The following STOX2 variants were observed in gnomAD, a reference collection of about 807,000 sequenced individuals.
STOX2 encodes storkhead-box protein 2.
A neutral mutation model predicts 60.9 loss-of-function variants in STOX2; 28 were observed. That is an observed-to-expected ratio of 0.46 (90% CI 0.34 to 0.63). The LOEUF (loss-of-function observed/expected upper bound fraction) is 0.63. STOX2 is among the 30% of genes least tolerant of loss of function. The pLI is 0.01. For synonymous variants in STOX2, 472 were observed against 463.9 expected, an observed-to-expected ratio of 1.02 and a Z score of -0.22; for missense variants, 1,024 against 1,187.7, an observed-to-expected ratio of 0.86 and a Z score of 2.03.
In STOX2 at chr4:184,009,426, C is replaced by A; in HGVS notation, c.588C>A (p.Cys196Ter). Residue 196 changes from cysteine to a stop codon, truncating the protein, a stop_gained, in exon 3 of 4, where the codon TGC becomes TGA. Transcript: ENST00000308497. LOFTEE classifies it high-confidence loss of function. The surrounding 1 kb of genome is among the most constrained non-coding windows in gnomAD (Gnocchi z 4.0). Reference protein sequence around the residue: ...VRERTLPRNHCDSCHCCREDV... With the variant: ...VRERTLPRNH The stretch of plus-strand genomic sequence containing the variant: ...AAAGGACATTGCCCCGAAACCACTG[C>A]GACTCTTGCCACTGCTGCAGAGAAG... The A allele has an allele frequency of 6.2e-7, 1 of 1,614,030 alleles. No individual in the cohort carries two copies. The highest frequency in any genetic ancestry group is 8.5e-7 in the Non-Finnish European group (1 of 1,179,898).
chr4:183,867,885 AC>A (rs977594184), intron 1 of STOX2, among the ~76,000 whole-genome samples: 7 of 152,246 alleles, frequency 4.6e-5, no homozygotes, highest in African/African-American at 1.7e-4. Context: ...AGAATAGAGC[AC>A]CGGTATGGCT....
chr4:183,917,255 G>A (rs1364550564), intron 1 of STOX2, among the ~76,000 whole-genome samples: 2 of 152,252 alleles, frequency 1.3e-5, no homozygotes, highest in Admixed American at 1.3e-4. Flanking sequence ...AGCCACCAGG[G>A]TGATTGTGGT....
rs1734040396 is a variant in STOX2, at chr4:184,009,483, A to G, written c.645A>G (p.Gln215=). 5.6e-6 allele frequency: 9 copies of G among 1,613,922 alleles called. No individual in the cohort carries two copies. The Admixed American group carries it at 1.0e-4, about 18-fold the overall frequency. Residue 215 remains glutamine, a synonymous_variant, in exon 3 of 4, where the codon CAA becomes CAG. Transcript: ENST00000308497. The surrounding 1 kb of genome is among the most constrained non-coding windows in gnomAD (Gnocchi z 4.0). The part of the protein sequence containing the change: ...DVHSTHAPTL[Q]RKSAKDCKDP... ...ACAGCACGCATGCACCCACCCTGCA[A>G]AGGAAGTCTGCCAAGGACTGCAAAG...
chr4:183,938,881 C>A (rs1742669877), intron 1 of STOX2, among the ~76,000 whole-genome samples: 1 of 151,890 alleles, frequency 6.6e-6, no homozygotes, highest in Admixed American at 6.6e-5. Flanking sequence ...TTCATCAGCT[C>A]TGATTAAGAA....
At chr4:183,963,609 A>G (rs1743475173) in intron 1 of STOX2, among the ~76,000 whole-genome samples, 2 of 150,826 alleles carry the variant, frequency 1.3e-5, no homozygotes, top group African/African-American at 2.4e-5. Flanking sequence ...GTATTTTAGT[A>G]GAGACGGGGT....
chr4:183,959,535 C>T (rs1166979104), intron 1 of STOX2, among the ~76,000 whole-genome samples: 3 of 152,238 alleles, frequency 2.0e-5, no homozygotes, highest in South Asian at 4.2e-4. Context: ...GTCAGGTTTG[C>T]GGGCATGCTT....
chr4:183,951,131 G>C (rs1392230976), intron 1 of STOX2, among the ~76,000 whole-genome samples: 1 of 151,252 alleles, frequency 6.6e-6, no homozygotes, highest in African/African-American at 2.4e-5. Flanking sequence ...CAGGAGAATG[G>C]GTGAACCCGG....
At chr4:183,854,843 A>G (rs1195361391) in intron 1 of STOX2, among the ~76,000 whole-genome samples, 1 of 152,234 alleles carries the variant, frequency 6.6e-6, no homozygotes, top group African/African-American at 2.4e-5. Context: ...AAGATTGCTT[A>G]TAAACAGGGA....
At chr4:183,900,267 A>G (rs926853860) in intron 1 of STOX2, among the ~76,000 whole-genome samples, 1 of 152,202 alleles carries the variant, frequency 6.6e-6, no homozygotes, top group Admixed American at 6.5e-5. Context: ...TGATAACACA[A>G]CGTCCTTTTG....
intron 1 of STOX2, among the ~76,000 whole-genome samples, chr4:183,869,864 G>A (rs1308626090): frequency 1.3e-5 from 2 of 152,216 alleles, no homozygotes; most frequent in Non-Finnish European, 2.9e-5. Context: ...GAATCCCAGA[G>A]ATGCTTTTTC....
Position 183,891,122 on chromosome 4 carries a change from A to G in STOX2, c.364+93067A>G, listed in dbSNP as rs936985052. ...AAGACCCTGTCTCTGACAATAAAAA[A>G]TAATAATCCAATGTGGCACAACTTT... On this transcript the variant is annotated intron_variant, in intron 1 of 2. Transcript: ENST00000513034. Among the ~76,000 whole-genome samples the G allele has an allele frequency of 3.9e-5, 6 of 152,098 alleles. No homozygotes were observed. In the East Asian group the frequency reaches 9.7e-4, roughly 25 times the overall value.
At position 184,001,572 on chromosome 4, in the gene STOX2, A is replaced by G. The variant is rs1437429055; in HGVS notation, c.319+95A>G. On this transcript the variant is annotated intron_variant, in intron 2 of 3. Coordinates refer to ENST00000308497, the MANE Select transcript of STOX2 (RefSeq NM_020225.3). This position sits in a 1 kb window ranked among gnomAD's most constrained non-coding sequence, Gnocchi z 4.2. ...TGTTCTGCCCATGTTTAAAGAGAAT[A>G]GGAAAACATTCTTCCCCAAAACTGA... is the stretch of plus-strand genomic sequence containing the variant. 2.4e-6 allele frequency: 3 copies of G among 1,240,856 alleles called. No individual in the cohort carries two copies. The highest frequency in any genetic ancestry group is 2.6e-5 in the Admixed American group (1 of 38,640). 76.9% of individuals were successfully genotyped at this position (1,240,856 alleles called of 1,614,324 possible). A position where few individuals can be genotyped will look rare whatever the true frequency, so the allele number is the denominator to read the frequency against.
At chr4:183,812,584 T>C (rs1481598789) in intron 1 of STOX2, among the ~76,000 whole-genome samples, 1 of 151,870 alleles carries the variant, frequency 6.6e-6, no homozygotes, top group African/African-American at 2.4e-5. Context: ...CAGCTCAACA[T>C]GAATTGGTGA....
intron 1 of STOX2, among the ~76,000 whole-genome samples, chr4:183,963,457 T>C (rs1456651944): frequency 6.6e-6 from 1 of 151,794 alleles, no homozygotes; most frequent in African/African-American, 2.4e-5. Context: ...GACGGAGTCT[T>C]GCACTGTCAC....
At chr4:183,966,289 A>G (rs1051332574) in intron 1 of STOX2, among the ~76,000 whole-genome samples, 2 of 152,228 alleles carry the variant, frequency 1.3e-5, no homozygotes, top group Non-Finnish European at 2.9e-5. Context: ...ACGCCAGCAG[A>G]GGAAACAGTT....
intron 1 of STOX2, among the ~76,000 whole-genome samples, chr4:183,958,330 T>C (rs1272536852): frequency 6.6e-6 from 1 of 152,094 alleles, no homozygotes; most frequent in Admixed American, 6.5e-5. Context: ...ACTGGGCTCT[T>C]TGTCTCCTCT....
chr4:183,880,400 AC>A, intron 1 of STOX2, among the ~76,000 whole-genome samples: 1 of 113,482 alleles, frequency 8.8e-6, no homozygotes, highest in Non-Finnish European at 1.9e-5. Context: ...CCAGGTATAA[AC>A]CAATCAACCA....
intron 1 of STOX2, among the ~76,000 whole-genome samples, chr4:183,874,980 T>C (rs1740794066): frequency 1.1e-5 from 1 of 91,320 alleles, no homozygotes; most frequent in South Asian, 3.6e-4. Flanking sequence ...TATATATATA[T>C]ATATATATAT....
intron 2 of STOX2, among the ~76,000 whole-genome samples, chr4:184,003,169 G>A (rs1477246974): frequency 3.9e-5 from 6 of 152,186 alleles, no homozygotes; most frequent in South Asian, 2.1e-4. Context: ...CTATGAGTGC[G>A]TAGCCACTTC....
Sources: gnomAD v4.1 joint callset for allele counts (sites outside exome capture counted in the v4.1 genomes callset) on GRCh38, gnomAD v4.1.1 for gene constraint, Gnocchi (gnomAD v3.1) non-coding constraint, MANE v1.5 for transcripts, NCBI Gene and HGNC (gene_info 2026-07-23, HGNC 2026-07-21) for gene names.